NCOR2: variants seen among roughly 807,000 people sequenced by gnomAD.
NCOR2 encodes CTG repeat protein 26.
NCOR2 carries 81 observed loss-of-function variants against 262.9 expected under a neutral mutation model. The observed-to-expected ratio is 0.31, with a 90% CI of 0.26 to 0.37. The LOEUF is 0.37. Ranked by LOEUF, NCOR2 falls within the 10% of genes least tolerant of loss-of-function variation. NCOR2 has a pLI of 1.00. For missense variants in NCOR2, 3,385 were observed against 3,621.4 expected (o/e 0.93, Z 1.68); for synonymous variants, 1,659 against 1,559.3 (o/e 1.06, Z -1.51).
chr12:124,404,828 C>T (rs186026523), intron 13 of NCOR2, among the ~76,000 whole-genome samples: 5 of 152,344 alleles, frequency 3.3e-5, no homozygotes, highest in Admixed American at 2.6e-4. Context: ...GAGATGAAAA[C>T]GCCACGAGTA....
intron 28 of NCOR2, among the ~76,000 whole-genome samples, chr12:124,350,249 A>G (rs1244060): frequency 0.5 from 75,495 of 151,952 alleles, 19,525 homozygotes; most frequent in Middle Eastern, 0.61. Context: ...GGCCTCTTTC[A>G]TGGCCAATGA....
At chr12:124,546,582 T>C (rs1349784438) in intron 1 of NCOR2, among the ~76,000 whole-genome samples, 3 of 152,058 alleles carry the variant, frequency 2.0e-5, no homozygotes, top group Non-Finnish European at 4.4e-5. Flanking sequence ...GCTCAGCTAA[T>C]TTTTGTATTT....
intron 13 of NCOR2, among the ~76,000 whole-genome samples, chr12:124,416,761 G>A (rs1285228837): frequency 6.8e-6 from 1 of 146,908 alleles, no homozygotes; most frequent in African/African-American, 2.5e-5. Context: ...CGCGGCACAG[G>A]GAGTCCCCGC....
chr12:124,388,948 G>C lies in NCOR2; in HGVS notation c.1877-3061C>G, dbSNP rs977929723. On this transcript the variant is annotated intron_variant, in intron 16 of 46. Transcript: ENST00000405201. Reference sequence around the variant, plus strand: ...GAGGCTGGCTCGAGAGGGGCGGGCGGGAGGCAGCTCCTCACAAGTCCGCCT... The same window carrying C: ...GAGGCTGGCTCGAGAGGGGCGGGCGCGAGGCAGCTCCTCACAAGTCCGCCT... 1.7e-5 allele frequency: 12 copies of C among 726,866 alleles called. 1 individual carries two copies. Among genetic ancestry groups the C allele is most frequent in the African/African-American group, 3.8e-5 (2 of 52,726 alleles). 45.0% of individuals were successfully genotyped at this position (726,866 alleles called of 1,614,324 possible).
chr12:124,491,279 T>C (rs1430312785), intron 1 of NCOR2, among the ~76,000 whole-genome samples: 1 of 152,276 alleles, frequency 6.6e-6, no homozygotes, highest in African/African-American at 2.4e-5. Flanking sequence ...CATTACATTA[T>C]TGATTATATC....
chr12:124,473,385 G>A (rs2046928522), intron 3 of NCOR2, among the ~76,000 whole-genome samples: 2 of 152,170 alleles, frequency 1.3e-5, no homozygotes, highest in Admixed American at 1.3e-4. Flanking sequence ...AGAAAAATGT[G>A]CAAAGGCGAG....
At chr12:124,330,785 G>A in intron 44 of NCOR2, 60 bp downstream of exon 46, 1 of 1,523,634 alleles carries the variant, frequency 6.6e-7, no homozygotes, top group Non-Finnish European at 8.9e-7. Flanking sequence ...AGCTGGAGCA[G>A]GGGTGGGGAG....
In NCOR2 at chr12:124,325,386, C is replaced by CCCT. The variant is rs767845044; in HGVS notation, c.*15_*16insAGG. Reference sequence around the variant, plus strand: ...GCTGGGACCTGACACCGCCCCCCCCCCCGCCCTGTTCTGAGTCACTCGCTG... The same window carrying CCCT: ...GCTGGGACCTGACACCGCCCCCCCCCCCTCCGCCCTGTTCTGAGTCACTCGCTG... On this transcript the variant is annotated 3_prime_UTR_variant, in exon 47 of 47. Coordinates refer to ENST00000405201, the Ensembl canonical transcript of NCOR2. The CCCT allele has an allele frequency of 8.5e-6, 5 of 589,828 alleles. No individual in the cohort carries two copies. The East Asian group carries it at 1.2e-4, about 14-fold the overall frequency. 36.5% of individuals were successfully genotyped at this position (589,828 alleles called of 1,614,324 possible). A position where few individuals can be genotyped will look rare whatever the true frequency, so the allele number is the denominator to read the frequency against.
chr12:124,524,520 C>T (rs1262060337), intron 1 of NCOR2, among the ~76,000 whole-genome samples: 4 of 152,190 alleles, frequency 2.6e-5, no homozygotes, highest in Non-Finnish European at 5.9e-5. Flanking sequence ...TGTCTGAGAA[C>T]AAGGCCCGCA....
rs774777706 is a variant in NCOR2, at chr12:124,486,435, C to T, written c.233+6G>A. 2.8e-5 allele frequency: 45 copies of T among 1,612,494 alleles called. No individual in the cohort carries two copies. The highest frequency in any genetic ancestry group is 3.7e-5 in the Non-Finnish European group (44 of 1,179,578). ...CTGGACAGGGAGGCAGCAACTCTCT[C>T]CTCACCGTTCATTCCCGGGCTGGAA... On this transcript the variant is annotated splice_donor_region_variant and intron_variant, in intron 2 of 46. Coordinates refer to ENST00000405201, the Ensembl canonical transcript of NCOR2.
chr12:124,525,623 G>A (rs1366481388), intron 1 of NCOR2, among the ~76,000 whole-genome samples: 3 of 152,246 alleles, frequency 2.0e-5, no homozygotes, highest in African/African-American at 7.2e-5. Context: ...GCGTGCCTGA[G>A]GGCCCTACGT....
chr12:124,341,563 C>T (rs1019828009), intron 34 of NCOR2, among the ~76,000 whole-genome samples: 1 of 152,194 alleles, frequency 6.6e-6, no homozygotes, highest in Admixed American at 6.5e-5. Context: ...ACTCCTGAGG[C>T]CCCTGTATCC....
At chr12:124,446,976 G>A (rs1256492842) in intron 7 of NCOR2, among the ~76,000 whole-genome samples, 1 of 152,122 alleles carries the variant, frequency 6.6e-6, no homozygotes, top group Non-Finnish European at 1.5e-5. Context: ...GTGCAGTGGC[G>A]TGATCTCGGC....
At chr12:124,423,408 C>T (rs373413407) in intron 11 of NCOR2, among the ~76,000 whole-genome samples, 2 of 152,308 alleles carry the variant, frequency 1.3e-5, no homozygotes, top group East Asian at 1.9e-4. Flanking sequence ...CACCAGTGCC[C>T]GACCTGCCTG....
At chr12:124,465,822 G>C (rs1331669395) in intron 5 of NCOR2, among the ~76,000 whole-genome samples, 1 of 152,218 alleles carries the variant, frequency 6.6e-6, no homozygotes, top group Non-Finnish European at 1.5e-5. Context: ...TTGCCTTAAA[G>C]GGATTTCTTC....
At chr12:124,418,117 G>A (rs2043008391) in intron 13 of NCOR2, among the ~76,000 whole-genome samples, 1 of 151,846 alleles carries the variant, frequency 6.6e-6, no homozygotes, top group African/African-American at 2.4e-5. Context: ...CTACGTCTTT[G>A]GAATACATGC....
intron 16 of NCOR2, among the ~76,000 whole-genome samples, chr12:124,394,272 A>T (rs2041512945): frequency 6.6e-6 from 1 of 152,136 alleles, no homozygotes; most frequent in South Asian, 2.1e-4. Context: ...CATCTGAGAG[A>T]ACGATGGTAA....
At chr12:124,492,803 C>T (rs987783134) in intron 1 of NCOR2, among the ~76,000 whole-genome samples, 1 of 152,200 alleles carries the variant, frequency 6.6e-6, no homozygotes, top group South Asian at 2.1e-4. Flanking sequence ...AGCAAGAAAG[C>T]GGCTCCACCC....
exon 47 of NCOR2, chr12:124,325,477 G>A (rs2034545070): frequency 1.5e-6 from 2 of 1,367,578 alleles, no homozygotes; most frequent in South Asian, 3.6e-5. Flanking sequence ...CGTGGTGGGG[G>A]CCAGCGAGGG....
Sources: gnomAD v4.1 joint callset for allele counts (sites outside exome capture counted in the v4.1 genomes callset) on GRCh38, gnomAD v4.1.1 for gene constraint, MANE v1.5 for transcripts, NCBI Gene and HGNC (gene_info 2026-07-23, HGNC 2026-07-21) for gene names.